Variants in C8orf34 observed in about 807,000 individuals in gnomAD.
C8orf34 encodes the protein uncharacterized protein C8orf34.
In C8orf34, 65 loss-of-function variants were observed where a neutral mutation model predicts 68.3. The ratio of observed to expected loss-of-function variants is 0.95; its 90% CI spans 0.78 to 1.17. C8orf34 has a LOEUF of 1.17. C8orf34 is among the 50% of genes most tolerant of loss of function. The pLI, the probability that C8orf34 is intolerant of heterozygous loss-of-function variation, is 0.00. For synonymous variants in C8orf34, 244 were observed against 241.2 expected, an observed-to-expected ratio of 1.01 and a Z score of -0.11; for missense variants, 664 against 655.4, an observed-to-expected ratio of 1.01 and a Z score of -0.14.
At chr8:68,404,145 CAT>C (rs1809083852) in intron 1 of C8orf34, among the ~76,000 whole-genome samples, 1 of 152,166 alleles carries the variant, frequency 6.6e-6, no homozygotes, top group African/African-American at 2.4e-5. Context: ...AGCTTTTTTT[CAT>C]ATGTTTGTTG....
intron 1 of C8orf34, among the ~76,000 whole-genome samples, chr8:68,420,336 C>G (rs756600928): frequency 6.6e-6 from 1 of 152,066 alleles, no homozygotes; most frequent in Non-Finnish European, 1.5e-5. Context: ...ACAAAAGCTA[C>G]ATTCTATATT....
chr8:68,759,944 C>T (rs750932757), intron 10 of C8orf34, among the ~76,000 whole-genome samples: 3 of 152,154 alleles, frequency 2.0e-5, no homozygotes, highest in Non-Finnish European at 4.4e-5. Flanking sequence ...CATTAAAGCA[C>T]TTACAGTATG....
At chr8:68,357,366 A>G (rs1806793329) in intron 1 of C8orf34, among the ~76,000 whole-genome samples, 1 of 152,148 alleles carries the variant, frequency 6.6e-6, no homozygotes. Context: ...TAGCTTCACA[A>G]AAAGTTTCAG....
At chr8:68,567,891 T>C (rs1816644294) in intron 7 of C8orf34, among the ~76,000 whole-genome samples, 1 of 151,990 alleles carries the variant, frequency 6.6e-6, no homozygotes, top group Non-Finnish European at 1.5e-5. Flanking sequence ...CATGCCTTCC[T>C]CACTAAGCTA....
intron 1 of C8orf34, among the ~76,000 whole-genome samples, chr8:68,362,617 C>T (rs1288876933): frequency 1.3e-5 from 2 of 152,128 alleles, no homozygotes; most frequent in African/African-American, 4.8e-5. Context: ...CTGGGAGGCA[C>T]CCCCCAGCAG....
intron 10 of C8orf34, among the ~76,000 whole-genome samples, chr8:68,752,858 A>G (rs1822748101): frequency 6.6e-6 from 1 of 152,152 alleles, no homozygotes; most frequent in African/African-American, 2.4e-5. Flanking sequence ...GAGTTGGAAA[A>G]ATGTTTCTTA....
chr8:68,494,918 A>C (rs1484053929), intron 5 of C8orf34, among the ~76,000 whole-genome samples: 1 of 150,960 alleles, frequency 6.6e-6, no homozygotes, highest in Non-Finnish European at 1.5e-5. Flanking sequence ...ATATATATAT[A>C]TCTCAAAAAA....
chr8:68,649,651 C>T (rs1819284252), intron 8 of C8orf34, among the ~76,000 whole-genome samples: 1 of 152,134 alleles, frequency 6.6e-6, no homozygotes, highest in Admixed American at 6.5e-5. Context: ...TAAATCAATG[C>T]AAAATTCTCC....
intron 10 of C8orf34, among the ~76,000 whole-genome samples, chr8:68,730,905 A>G (rs560710542): frequency 1.6e-4 from 25 of 152,258 alleles, no homozygotes; most frequent in African/African-American, 5.3e-4. Flanking sequence ...AAAGGAAACT[A>G]TATTTTTACA....
chr8:68,531,535 T>C, intron 6 of C8orf34, among the ~76,000 whole-genome samples: 1 of 152,208 alleles, frequency 6.6e-6, no homozygotes, highest in East Asian at 1.9e-4. Flanking sequence ...TGATGGGATG[T>C]ACTTTCTTAT....
Position 68,433,016 on chromosome 8 carries a change from C to A in C8orf34, c.328-6483C>A, listed in dbSNP as rs183594944. Among the ~76,000 whole-genome samples, 63 of 152,216 alleles carry A rather than the reference C, an allele frequency of 4.1e-4. 1 individual carries two copies. Among genetic ancestry groups the A allele is most frequent in the Middle Eastern group, 3.4e-3 (1 of 294 alleles). Reference sequence around the variant, plus strand: ...TGGTGACATCAATTTTAAATGGGGGCAATTTGAGAATAAAATACATTTTTG... The same window carrying A: ...TGGTGACATCAATTTTAAATGGGGGAAATTTGAGAATAAAATACATTTTTG... On this transcript the variant is annotated intron_variant, in intron 1 of 13. Coordinates refer to ENST00000518698, the MANE Select transcript of C8orf34 (RefSeq NM_052958.4).
At chr8:68,373,892 T>C (rs1373894461) in intron 1 of C8orf34, among the ~76,000 whole-genome samples, 1 of 152,104 alleles carries the variant, frequency 6.6e-6, no homozygotes, top group African/African-American at 2.4e-5. Flanking sequence ...AAGGATATAT[T>C]CTAGTTCTTT....
At position 68,335,948 on chromosome 8, in the gene C8orf34, A is replaced by G. The variant is rs1461545577; in HGVS notation, c.327+4609A>G. Among the ~76,000 whole-genome samples, 3 of 152,068 alleles carry G rather than the reference A, an allele frequency of 2.0e-5. No homozygotes were observed. In the East Asian group the frequency reaches 5.8e-4, roughly 29 times the overall value. ...CTAAAAATTCAAAAATTAACCAGGC[A>G]TGGTGATGCACACCTGTAATCCCAG... On this transcript the variant is annotated intron_variant, in intron 1 of 13. Transcript: ENST00000518698.
chr8:68,598,641 A>G (rs1817614567), intron 7 of C8orf34, among the ~76,000 whole-genome samples: 1 of 152,172 alleles, frequency 6.6e-6, no homozygotes, highest in Non-Finnish European at 1.5e-5. Context: ...TTCGTTGAAT[A>G]GATAATAGAA....
At chr8:68,490,865 A>G (rs1415442183) in intron 5 of C8orf34, among the ~76,000 whole-genome samples, 3 of 152,180 alleles carry the variant, frequency 2.0e-5, no homozygotes, top group African/African-American at 7.2e-5. Context: ...TCTGGTGACC[A>G]TGAAGCTCAC....
intron 7 of C8orf34, among the ~76,000 whole-genome samples, chr8:68,537,099 G>A (rs1236347604): frequency 6.6e-6 from 1 of 151,904 alleles, no homozygotes; most frequent in East Asian, 1.9e-4. Context: ...TTTTTAAATT[G>A]GAGGCTTCTT....
rs546596882 is a variant in C8orf34, at chr8:68,594,096, A to G, written c.1106-46280A>G. Among the ~76,000 whole-genome samples, 3 of 152,152 alleles carry G rather than the reference A, an allele frequency of 2.0e-5. No homozygotes were observed. The East Asian group carries it at 5.8e-4, about 29-fold the overall frequency. ...GGCCATAGAGTATTCATTGGTATTT[A>G]GTGAAAGTCTTGTGGTCTTGGGATA... On this transcript the variant is annotated intron_variant, in intron 7 of 13. Coordinates refer to ENST00000518698, the MANE Select transcript of C8orf34 (RefSeq NM_052958.4).
chr8:68,715,033 C>T (rs1821430572), intron 9 of C8orf34, among the ~76,000 whole-genome samples: 2 of 152,046 alleles, frequency 1.3e-5, no homozygotes, highest in African/African-American at 2.4e-5. Flanking sequence ...GGAAGGGACA[C>T]CCTATTCAAT....
intron 6 of C8orf34, among the ~76,000 whole-genome samples, chr8:68,522,259 C>T (rs1302993128): frequency 2.6e-5 from 4 of 152,040 alleles, no homozygotes; most frequent in African/African-American, 9.7e-5. Context: ...CAGTCAAGAC[C>T]TACTATAATA....
Sources: allele counts gnomAD v4.1 joint callset (sites outside exome capture counted in the v4.1 genomes callset), GRCh38; gene constraint gnomAD v4.1.1; transcripts MANE v1.5; gene names NCBI Gene and HGNC (gene_info 2026-07-23, HGNC 2026-07-21).